The following GAS7 variants were observed in gnomAD, a reference collection of about 807,000 sequenced individuals.
GAS7 encodes growth arrest-specific protein 7.
Under a neutral mutation model 71.1 loss-of-function variants are expected in GAS7, and 28 were observed. The ratio of observed to expected loss-of-function variants is 0.39; its 90% CI spans 0.29 to 0.54. GAS7 has a LOEUF of 0.54. GAS7 is among the 20% of genes least tolerant of loss of function. The pLI, the probability that GAS7 is intolerant of heterozygous loss-of-function variation, is 0.62. For missense variants in GAS7, 436 were observed against 627.8 expected, an observed-to-expected ratio of 0.69 and a Z score of 3.27; for synonymous variants, 258 against 245.8, an observed-to-expected ratio of 1.05 and a Z score of -0.46.
Position 10,015,103 on chromosome 17 carries a change from C to A in GAS7, c.304+4674G>T, listed in dbSNP as rs945616706. Among the ~76,000 whole-genome samples the A allele has an allele frequency of 4.0e-5, 6 of 151,440 alleles. No individual in the cohort carries two copies. The South Asian group carries it at 1.3e-3, about 32-fold the overall frequency. On this transcript the variant is annotated intron_variant, in intron 2 of 13. Transcript: ENST00000432992. ...CGGGGAGGCGGAGGTTTCAGTGAGCCGAGATCGCACCACTGCACTCCAGTC... is the reference window on the plus strand; with the variant it reads ...CGGGGAGGCGGAGGTTTCAGTGAGCAGAGATCGCACCACTGCACTCCAGTC...
intron 2 of GAS7, among the ~76,000 whole-genome samples, chr17:10,016,259 C>T (rs1045003741): frequency 2.0e-5 from 3 of 151,902 alleles, no homozygotes; most frequent in Non-Finnish European, 4.4e-5. Context: ...GTGGCAGGCA[C>T]CTGTAGTCCC....
Position 10,189,127 on chromosome 17 carries a change from A to G in GAS7, c.183+9081T>C, listed in dbSNP as rs919692822. On this transcript the variant is annotated intron_variant, in intron 1 of 13. Coordinates refer to ENST00000432992, the MANE Select transcript of GAS7 (RefSeq NM_201433.2). ...TTTGGGAAGAGATTTCTAGTGGCAG[A>G]ATAAAGGATGGACAGATGGGGAAAA... Among the ~76,000 whole-genome samples the G allele has an allele frequency of 5.9e-5, 9 of 152,292 alleles. No individual in the cohort carries two copies. In the East Asian group the frequency reaches 1.7e-3, roughly 29 times the overall value.
chr17:9,967,132 C>T (rs573212009), intron 4 of GAS7, among the ~76,000 whole-genome samples: 17 of 151,584 alleles, frequency 1.1e-4, no homozygotes, highest in African/African-American at 3.9e-4. Context: ...CTCCAGAGCT[C>T]GCCTCTCCTG....
chr17:10,089,716 A>G (rs1339026647), intron 1 of GAS7, among the ~76,000 whole-genome samples: 1 of 150,022 alleles, frequency 6.7e-6, no homozygotes, highest in Non-Finnish European at 1.5e-5. Flanking sequence ...GGAGAAAGGT[A>G]AGGAGGAGAG....
Position 10,034,378 on chromosome 17 carries a change from G to A in GAS7, c.184-14481C>T, listed in dbSNP as rs1481795664. The A allele has an allele frequency of 3.0e-5, 7 of 229,938 alleles. No individual in the cohort carries two copies. The highest frequency in any genetic ancestry group is 6.6e-5 in the Admixed American group (1 of 15,158). 14.2% of individuals were successfully genotyped at this position (229,938 alleles called of 1,614,324 possible). On this transcript the variant is annotated intron_variant, in intron 1 of 13. Coordinates refer to ENST00000432992, the MANE Select transcript of GAS7 (RefSeq NM_201433.2). This position sits in a 1 kb window ranked among gnomAD's most constrained non-coding sequence, Gnocchi z 4.4. The stretch of plus-strand genomic sequence containing the variant: ...GGCTGGAGTGCAGTGGCGTGATCTC[G>A]GCTCACTGCAACCTAAGCCTTCCAG...
At chr17:9,994,373 G>A (rs1597635897) in intron 2 of GAS7, among the ~76,000 whole-genome samples, 1 of 144,282 alleles carries the variant, frequency 6.9e-6, no homozygotes, top group Non-Finnish European at 1.5e-5. Context: ...CAGAAATAAC[G>A]CCGCATATCT....
At chr17:10,109,519 G>A (rs2073790214) in intron 1 of GAS7, among the ~76,000 whole-genome samples, 2 of 152,224 alleles carry the variant, frequency 1.3e-5, no homozygotes, top group African/African-American at 4.8e-5. Context: ...TACAGCCACT[G>A]GGGAAACCAG....
chr17:9,980,243 A>G (rs1434927487), intron 3 of GAS7, among the ~76,000 whole-genome samples: 2 of 152,148 alleles, frequency 1.3e-5, no homozygotes, highest in Non-Finnish European at 2.9e-5. Flanking sequence ...TGCCTAAGCA[A>G]TATGCTTTGA....
At chr17:10,111,792 G>A (rs944260937) in intron 1 of GAS7, among the ~76,000 whole-genome samples, 14 of 152,108 alleles carry the variant, frequency 9.2e-5, no homozygotes, top group African/African-American at 3.1e-4. Context: ...GGCGAAATTC[G>A]GGAGTTCCAA....
chr17:10,166,433 CA>C (rs2074294795), intron 1 of GAS7, among the ~76,000 whole-genome samples: 1 of 152,224 alleles, frequency 6.6e-6, no homozygotes, highest in Non-Finnish European at 1.5e-5. Flanking sequence ...TTGCAAATAC[CA>C]AGTTAGGAAA....
intron 1 of GAS7, among the ~76,000 whole-genome samples, chr17:10,110,668 C>T (rs1024112289): frequency 2.0e-5 from 3 of 152,100 alleles, no homozygotes; most frequent in Non-Finnish European, 2.9e-5. Flanking sequence ...GACGGTGTTT[C>T]ACCATATTGG....
chr17:9,917,212 A>G lies in GAS7; in HGVS notation c.*16T>C. The G allele has an allele frequency of 7.4e-7, 1 of 1,358,938 alleles. No individual in the cohort carries two copies. The highest frequency in any genetic ancestry group is 1.1e-6 in the Non-Finnish European group (1 of 946,744). 84.2% of individuals were successfully genotyped at this position (1,358,938 alleles called of 1,614,324 possible). A position where few individuals can be genotyped will look rare whatever the true frequency, so the allele number is the denominator to read the frequency against. On this transcript the variant is annotated 3_prime_UTR_variant, in exon 14 of 14. Coordinates refer to ENST00000432992, the MANE Select transcript of GAS7 (RefSeq NM_201433.2). Reference sequence around the variant, plus strand: ...CCCCCTCCCCAGCAGGACCCCCCGAAGCTGCACAGGCCCATCTAGATCTCC... The same window carrying G: ...CCCCCTCCCCAGCAGGACCCCCCGAGGCTGCACAGGCCCATCTAGATCTCC...
At position 10,029,785 on chromosome 17, in the gene GAS7, G is replaced by A. The variant is rs561415589; in HGVS notation, c.184-9888C>T. Among the ~76,000 whole-genome samples, 25 of 152,072 alleles carry A rather than the reference G, an allele frequency of 1.6e-4. No homozygotes were observed. The South Asian group carries it at 4.4e-3, about 27-fold the overall frequency. On this transcript the variant is annotated intron_variant, in intron 1 of 13. Coordinates refer to ENST00000432992, the MANE Select transcript of GAS7 (RefSeq NM_201433.2). The stretch of plus-strand genomic sequence containing the variant: ...GAGAATTGCTTGAACCTAGAAGGCG[G>A]AGATTGCAGTGAGCTGAGATCATGC...
At chr17:10,102,934 T>G (rs1406895337) in intron 1 of GAS7, among the ~76,000 whole-genome samples, 2 of 152,162 alleles carry the variant, frequency 1.3e-5, no homozygotes, top group Admixed American at 6.5e-5. Flanking sequence ...TTTAGGAAAC[T>G]GTCTCTTCCT....
At chr17:10,036,482 G>A (rs1231671493) in intron 1 of GAS7, 1 of 1,613,656 alleles carries the variant, frequency 6.2e-7, no homozygotes, top group Non-Finnish European at 8.5e-7. Flanking sequence ...TCAGAGGAGA[G>A]TCTTGGGTCC....
chr17:10,183,829 G>A lies in GAS7; in HGVS notation c.183+14379C>T, dbSNP rs544583633. Among the ~76,000 whole-genome samples, 252 of 151,638 alleles carry A rather than the reference G, an allele frequency of 1.7e-3. 5 individuals carry two copies. The highest frequency in any genetic ancestry group is 0.016 in the Admixed American group (237 of 15,244). The stretch of plus-strand genomic sequence containing the variant: ...TGCACTCCAGCCTGGGCGACAGAGC[G>A]AGACTCCGTCTCAGGAAAAAAAAAA... On this transcript the variant is annotated intron_variant, in intron 1 of 13. Transcript: ENST00000432992.
At chr17:10,068,570 A>G (rs56206828) in intron 1 of GAS7, among the ~76,000 whole-genome samples, 23,087 of 151,208 alleles carry the variant, frequency 0.15, 2,534 homozygotes, top group African/African-American at 0.32. Flanking sequence ...AGCCTAGACA[A>G]CATAGCAAAA....
chr17:10,070,659 C>T (rs1034936270), intron 1 of GAS7, among the ~76,000 whole-genome samples: 3 of 152,150 alleles, frequency 2.0e-5, no homozygotes, highest in African/African-American at 2.4e-5. Context: ...CCACTGTGCC[C>T]GGCCTCCCTT....
intron 2 of GAS7, among the ~76,000 whole-genome samples, chr17:10,013,568 C>A (rs1399166430): frequency 6.6e-6 from 1 of 152,206 alleles, no homozygotes; most frequent in Non-Finnish European, 1.5e-5. Flanking sequence ...AAGATGGGGA[C>A]TTCCCAAAGT....
Sources: gnomAD v4.1 joint callset for allele counts (sites outside exome capture counted in the v4.1 genomes callset) on GRCh38, gnomAD v4.1.1 for gene constraint, Gnocchi (gnomAD v3.1) non-coding constraint, MANE v1.5 for transcripts, NCBI Gene and HGNC (gene_info 2026-07-23, HGNC 2026-07-21) for gene names.